Variants in COMT observed in about 807,000 individuals in gnomAD.
COMT encodes catechol-O-methyltransferase, also known as catechol O-methyltransferase.
In COMT, 13 loss-of-function variants were observed where a neutral mutation model predicts 18.9. The ratio of observed to expected loss-of-function variants is 0.69; its 90% CI spans 0.45 to 1.09. The LOEUF (loss-of-function observed/expected upper bound fraction) is 1.09, where lower values mean the gene tolerates loss of function less well. COMT is among the 50% of genes least tolerant of loss of function. The pLI is 0.00. For missense variants in COMT, 329 were observed against 361.8 expected (o/e 0.91, Z 0.73); for synonymous variants, 150 against 160.9 (o/e 0.93, Z 0.51).
chr22:19,956,506 A>C (rs1324695707), intron 1 of COMT, among the ~76,000 whole-genome samples: 1 of 150,116 alleles, frequency 6.7e-6, no homozygotes, highest in Admixed American at 6.7e-5. Context: ...CCTCCTGAGT[A>C]GCTGGGACTA....
At chr22:19,964,645 G>A (rs4646317) in intron 5 of COMT, 219,690 of 590,222 alleles carry the variant, frequency 0.37, 42,544 homozygotes, top group Middle Eastern at 0.43. Flanking sequence ...GGGAAGGGCC[G>A]CTCTGGGCCC....
intron 2 of COMT, chr22:19,961,991 T>C (rs975867779): frequency 5.2e-5 from 9 of 173,572 alleles, no homozygotes; most frequent in African/African-American, 2.1e-4. Context: ...GGACTGCCAG[T>C]GTCCTTACTT....
intron 1 of COMT, among the ~76,000 whole-genome samples, chr22:19,952,102 C>T (rs747026425): frequency 1.3e-5 from 2 of 151,520 alleles, no homozygotes; most frequent in Non-Finnish European, 2.9e-5. Flanking sequence ...GAGTTTAAGA[C>T]CAGCCTGGGC....
At chr22:19,962,143 T>G (rs1942206094) in intron 2 of COMT, 2 of 313,918 alleles carry the variant, frequency 6.4e-6, no homozygotes, top group East Asian at 7.7e-5. Flanking sequence ...CTCCGGGCCA[T>G]GGGGCTTCCC....
chr22:19,968,228 G>A (rs550491309), intron 5 of COMT, among the ~76,000 whole-genome samples: 31 of 152,192 alleles, frequency 2.0e-4, no homozygotes, highest in Non-Finnish European at 3.4e-4. Flanking sequence ...CACTCACCCA[G>A]CTAGCATTTA....
At chr22:19,952,905 C>G (rs546752010) in intron 1 of COMT, among the ~76,000 whole-genome samples, 74 of 149,518 alleles carry the variant, frequency 4.9e-4, no homozygotes, top group African/African-American at 1.7e-3. Flanking sequence ...GAGCCGAGAT[C>G]GCGCCACTGC....
intron 1 of COMT, among the ~76,000 whole-genome samples, chr22:19,943,369 C>T (rs1353593987): frequency 1.3e-5 from 2 of 152,114 alleles, no homozygotes; most frequent in Admixed American, 6.5e-5. Flanking sequence ...AATAACAGGC[C>T]AGGCACAGTG....
At chr22:19,968,469 C>G in intron 5 of COMT, 67 bp from the exon 6 acceptor site, 1 of 1,508,306 alleles carries the variant, frequency 6.6e-7, no homozygotes, top group Non-Finnish European at 9.1e-7. Flanking sequence ...AGCACCCATC[C>G]TGGTTTGGGG....
chr22:19,968,467 T>A, intron 5 of COMT, 69 bp from the exon 6 acceptor site: 3 of 1,490,004 alleles, frequency 2.0e-6, no homozygotes, highest in Non-Finnish European at 2.8e-6. Flanking sequence ...GGAGCACCCA[T>A]CCTGGTTTGG....
At chr22:19,942,714 A>G (rs370642463) in intron 1 of COMT, among the ~76,000 whole-genome samples, 1 of 152,128 alleles carries the variant, frequency 6.6e-6, no homozygotes, top group Non-Finnish European at 1.5e-5. Flanking sequence ...AACAGATTTT[A>G]CTTGGTAACT....
At chr22:19,942,207 G>A (rs1224363972) in intron 1 of COMT, among the ~76,000 whole-genome samples, 6 of 152,164 alleles carry the variant, frequency 3.9e-5, no homozygotes, top group African/African-American at 7.2e-5. Flanking sequence ...CTGGGTTGGG[G>A]GTCCAGACCA....
At chr22:19,950,261 T>TTTTG (rs763598655) in intron 1 of COMT, among the ~76,000 whole-genome samples, 13,390 of 127,624 alleles carry the variant, frequency 0.1, 662 homozygotes, top group Non-Finnish European at 0.16. Context: ...TTTTTTTTTT[T>TTTTG]TTCTGTAGAG....
intron 2 of COMT, chr22:19,961,670 A>T (rs983477955): frequency 2.6e-5 from 4 of 152,236 alleles, no homozygotes; most frequent in African/African-American, 4.8e-5. Context: ...CCCTAGAAGA[A>T]GTTTCCTTGT....
At chr22:19,959,807 G>A (rs372138094) in intron 1 of COMT, among the ~76,000 whole-genome samples, 2 of 27,262 alleles carry the variant, frequency 7.3e-5, no homozygotes, top group African/African-American at 1.1e-4. Flanking sequence ...CATCCCCCAT[G>A]GCTCTTGGCC....
intron 1 of COMT, among the ~76,000 whole-genome samples, chr22:19,942,747 G>T (rs185381266): frequency 6.6e-6 from 1 of 152,212 alleles, no homozygotes; most frequent in African/African-American, 2.4e-5. Context: ...AGAAAAAGCT[G>T]GCTCCATGCT....
chr22:19,951,288 G>A (rs1358170574), intron 1 of COMT, among the ~76,000 whole-genome samples: 1 of 146,634 alleles, frequency 6.8e-6, no homozygotes, highest in Non-Finnish European at 1.5e-5. Flanking sequence ...GAACCCGGGG[G>A]ACGGAGCTTG....
intron 1 of COMT, among the ~76,000 whole-genome samples, chr22:19,946,486 T>G (rs1941837340): frequency 6.6e-6 from 1 of 152,076 alleles, no homozygotes; most frequent in Non-Finnish European, 1.5e-5. Flanking sequence ...AGACTCCATC[T>G]CAAAAAAAGA....
intron 1 of COMT, among the ~76,000 whole-genome samples, chr22:19,959,366 G>A (rs533736433): frequency 6.6e-6 from 1 of 152,244 alleles, no homozygotes; most frequent in Non-Finnish European, 1.5e-5. Context: ...GTCAGCCCTC[G>A]GATGGCCAGG....
At chr22:19,960,603 C>G (rs913992107) in intron 1 of COMT, among the ~76,000 whole-genome samples, 1 of 152,220 alleles carries the variant, frequency 6.6e-6, no homozygotes, top group African/African-American at 2.4e-5. Context: ...GGCCTGGGAC[C>G]CTTCCCAAGG....
Sources: gnomAD v4.1 joint callset for allele counts (sites outside exome capture counted in the v4.1 genomes callset) on GRCh38, gnomAD v4.1.1 for gene constraint, MANE v1.5 for transcripts, NCBI Gene and HGNC (gene_info 2026-07-23, HGNC 2026-07-21) for gene names.